The following NALF1 variants were observed in gnomAD, a reference collection of about 807,000 sequenced individuals.
NALF1 encodes family with sequence similarity 155 member A.
In NALF1, 3 loss-of-function variants were observed where a neutral mutation model predicts 48.4. The observed-to-expected ratio is 0.06, with a 90% confidence interval of 0.03 to 0.16. The LOEUF is 0.16. Ranked by LOEUF, NALF1 falls within the 10% of genes least tolerant of loss-of-function variation. The pLI is 1.00. For synonymous variants in NALF1, 262 were observed against 245.7 expected, an observed-to-expected ratio of 1.07 and a Z score of -0.62; for missense variants, 526 against 571.5, an observed-to-expected ratio of 0.92 and a Z score of 0.81.
At chr13:107,218,065 C>T (rs1012018888) in intron 1 of NALF1, among the ~76,000 whole-genome samples, 3 of 152,168 alleles carry the variant, frequency 2.0e-5, no homozygotes, top group African/African-American at 7.2e-5. Flanking sequence ...TGCCCACTCC[C>T]ACCCGGCACT....
At chr13:107,771,410 C>A (rs1594256071) in intron 1 of NALF1, among the ~76,000 whole-genome samples, 2 of 151,370 alleles carry the variant, frequency 1.3e-5, no homozygotes, top group South Asian at 2.1e-4. Flanking sequence ...TTTATGCATA[C>A]ACATATATAA....
chr13:107,626,466 C>G (rs1879676488), intron 1 of NALF1, among the ~76,000 whole-genome samples: 1 of 152,032 alleles, frequency 6.6e-6, no homozygotes, highest in Non-Finnish European at 1.5e-5. Flanking sequence ...TACCTGCACT[C>G]CTGTGTTTTT....
intron 1 of NALF1, among the ~76,000 whole-genome samples, chr13:107,805,170 T>A (rs1213495700): frequency 6.6e-6 from 1 of 152,242 alleles, no homozygotes; most frequent in Non-Finnish European, 1.5e-5. Context: ...TTATGTTTTA[T>A]GAGTCTAATT....
chr13:107,764,012 C>T (rs1877351072), intron 1 of NALF1, among the ~76,000 whole-genome samples: 1 of 152,018 alleles, frequency 6.6e-6, no homozygotes, highest in South Asian at 2.1e-4. Flanking sequence ...TACTAATGGC[C>T]GGCCTCTGGG....
chr13:107,816,410 A>G (rs556918655), intron 1 of NALF1, among the ~76,000 whole-genome samples: 3 of 152,302 alleles, frequency 2.0e-5, no homozygotes, highest in Non-Finnish European at 4.4e-5. Flanking sequence ...CACTTCTTAC[A>G]TGGAGTATGA....
chr13:107,674,845 T>C (rs969709715), intron 1 of NALF1, among the ~76,000 whole-genome samples: 2 of 152,022 alleles, frequency 1.3e-5, no homozygotes, highest in African/African-American at 4.8e-5. Flanking sequence ...TTGGGGAAAG[T>C]GTGTTGCCGA....
chr13:107,367,193 C>G (rs1336035270), intron 1 of NALF1, among the ~76,000 whole-genome samples: 1 of 152,186 alleles, frequency 6.6e-6, no homozygotes, highest in Non-Finnish European at 1.5e-5. Context: ...AGGGATAACT[C>G]TTCTTACCAC....
chr13:107,685,943 G>C (rs1468613384), intron 1 of NALF1, among the ~76,000 whole-genome samples: 1 of 152,224 alleles, frequency 6.6e-6, no homozygotes, highest in African/African-American at 2.4e-5. Context: ...TTCTAGATAG[G>C]AGAAGGGCAG....
intron 1 of NALF1, among the ~76,000 whole-genome samples, chr13:107,539,616 C>A (rs1876940904): frequency 6.6e-6 from 1 of 151,982 alleles, no homozygotes. Flanking sequence ...TATGAGATGA[C>A]TATTAAAAAA....
intron 1 of NALF1, among the ~76,000 whole-genome samples, chr13:107,770,291 G>C (rs1877543955): frequency 6.6e-6 from 1 of 152,136 alleles, no homozygotes; most frequent in Non-Finnish European, 1.5e-5. Context: ...TACTTATGCT[G>C]TTTGGAGCTG....
intron 1 of NALF1, among the ~76,000 whole-genome samples, chr13:107,682,423 T>C (rs1051601713): frequency 6.6e-6 from 1 of 152,008 alleles, no homozygotes; most frequent in African/African-American, 2.4e-5. Context: ...CTCCCCTCCT[T>C]CCTCAGCGCC....
intron 1 of NALF1, among the ~76,000 whole-genome samples, chr13:107,363,192 T>C (rs893346615): frequency 1.3e-5 from 2 of 152,226 alleles, no homozygotes; most frequent in Non-Finnish European, 2.9e-5. Flanking sequence ...GGCACTAAAC[T>C]TAGCATTTTC....
At chr13:107,653,656 A>G (rs1183391512) in intron 1 of NALF1, among the ~76,000 whole-genome samples, 2 of 151,982 alleles carry the variant, frequency 1.3e-5, no homozygotes, top group Non-Finnish European at 2.9e-5. Flanking sequence ...AAAGAACAGG[A>G]ATCTATGAGA....
intron 1 of NALF1, among the ~76,000 whole-genome samples, chr13:107,629,632 T>A (rs1394175457): frequency 3.4e-5 from 2 of 58,204 alleles, no homozygotes; most frequent in Non-Finnish European, 9.4e-5. Context: ...ACTTTTTATC[T>A]TGTCAGAAAG....
chr13:107,389,018 G>A (rs891277971), intron 1 of NALF1, among the ~76,000 whole-genome samples: 4 of 152,160 alleles, frequency 2.6e-5, no homozygotes, highest in Non-Finnish European at 5.9e-5. Flanking sequence ...CAGGCTTCAG[G>A]GGATAAAATA....
chr13:107,250,867 G>T (rs1157762778), intron 1 of NALF1, among the ~76,000 whole-genome samples: 10 of 152,070 alleles, frequency 6.6e-5, no homozygotes, highest in African/African-American at 2.4e-4. Flanking sequence ...TTGAAAATGT[G>T]TAGCACCTCC....
At chr13:107,449,966 G>C (rs74114537) in intron 1 of NALF1, among the ~76,000 whole-genome samples, 2,970 of 152,192 alleles carry the variant, frequency 0.02, 101 homozygotes, top group African/African-American at 0.068. Context: ...ACTCTGGCCA[G>C]AGTTGGCATC....
At chr13:107,312,562 A>C (rs1882068237) in intron 1 of NALF1, among the ~76,000 whole-genome samples, 1 of 152,280 alleles carries the variant, frequency 6.6e-6, no homozygotes, top group East Asian at 1.9e-4. Context: ...CCTAAAGCTT[A>C]AAGTATAATA....
chr13:107,754,543 C>T (rs576729452), intron 1 of NALF1, among the ~76,000 whole-genome samples: 6 of 151,902 alleles, frequency 3.9e-5, no homozygotes, highest in South Asian at 4.2e-4. Flanking sequence ...ATGTAGATCA[C>T]TAGATGGTTT....
Sources: gnomAD v4.1 joint callset for allele counts (sites outside exome capture counted in the v4.1 genomes callset) on GRCh38, gnomAD v4.1.1 for gene constraint, MANE v1.5 for transcripts, NCBI Gene and HGNC (gene_info 2026-07-23, HGNC 2026-07-21) for gene names.